The following RARB variants were observed in gnomAD, a reference collection of about 807,000 sequenced individuals.
RARB encodes retinoic acid receptor beta.
RARB carries 17 observed loss-of-function variants against 51.9 expected under a neutral mutation model. The observed-to-expected ratio is 0.33, with a 90% CI of 0.22 to 0.49. The LOEUF is 0.49. RARB is among the 20% of genes least tolerant of loss of function. RARB has a pLI of 0.99. For synonymous variants in RARB, 215 were observed against 195.4 expected (o/e 1.10, Z -0.84); for missense variants, 369 against 550.8 (o/e 0.67, Z 3.30).
intron 5 of RARB, among the ~76,000 whole-genome samples, chr3:25,396,954 A>G (rs1000037609): frequency 6.6e-6 from 1 of 152,152 alleles, no homozygotes; most frequent in African/African-American, 2.4e-5. Flanking sequence ...CCAGGCTACA[A>G]GCCTCCCTGC....
At chr3:24,866,293 C>T (rs765720130) in intron 2 of RARB, among the ~76,000 whole-genome samples, 14 of 152,084 alleles carry the variant, frequency 9.2e-5, no homozygotes, top group Non-Finnish European at 1.9e-4. Context: ...GAGTGACTAC[C>T]TTGTCCAGTC....
intron 5 of RARB, among the ~76,000 whole-genome samples, chr3:25,288,654 A>G (rs1407088794): frequency 6.6e-6 from 1 of 152,120 alleles, no homozygotes; most frequent in African/African-American, 2.4e-5. Flanking sequence ...TCCATTCTTG[A>G]TCATCCATTG....
intron 3 of RARB, among the ~76,000 whole-genome samples, chr3:25,543,806 A>G (rs982601671): frequency 1.3e-5 from 2 of 152,228 alleles, no homozygotes; most frequent in Non-Finnish European, 2.9e-5. Flanking sequence ...AACCTTCCAT[A>G]GATGCACCCC....
intron 4 of RARB, among the ~76,000 whole-genome samples, chr3:25,155,009 C>T (rs1301331997): frequency 6.6e-6 from 1 of 152,174 alleles, no homozygotes; most frequent in East Asian, 1.9e-4. Context: ...TTGCCCAATT[C>T]ATTCAATCAC....
At chr3:24,850,961 A>C (rs1702547066) in intron 1 of RARB, among the ~76,000 whole-genome samples, 1 of 152,202 alleles carries the variant, frequency 6.6e-6, no homozygotes, top group Non-Finnish European at 1.5e-5. Context: ...CAGGTCAAAT[A>C]ATGAATCCTA....
intron 5 of RARB, among the ~76,000 whole-genome samples, chr3:25,269,525 A>G (rs1703203777): frequency 2.0e-5 from 3 of 152,182 alleles, no homozygotes; most frequent in Non-Finnish European, 2.9e-5. Context: ...TGTGGATACT[A>G]ACAGGAAGAG....
At chr3:25,191,811 C>T (rs572794622) in intron 5 of RARB, among the ~76,000 whole-genome samples, 1 of 152,092 alleles carries the variant, frequency 6.6e-6, no homozygotes, top group Non-Finnish European at 1.5e-5. Context: ...TAGTTTGCTT[C>T]AATGACAAAT....
intron 2 of RARB, among the ~76,000 whole-genome samples, chr3:25,464,887 A>G (rs1192890819): frequency 1.3e-5 from 2 of 152,156 alleles, no homozygotes; most frequent in Non-Finnish European, 2.9e-5. Context: ...TTATGACCCA[A>G]ATTTAAGCAA....
intron 5 of RARB, among the ~76,000 whole-genome samples, chr3:25,328,558 G>T (rs994041280): frequency 1.3e-5 from 2 of 152,098 alleles, no homozygotes; most frequent in Non-Finnish European, 2.9e-5. Context: ...ATAAGGGGGA[G>T]GTTCCAAGAT....
intron 2 of RARB, among the ~76,000 whole-genome samples, chr3:25,053,537 C>A (rs887037995): frequency 6.6e-6 from 1 of 152,146 alleles, no homozygotes; most frequent in Admixed American, 6.5e-5. Context: ...GAACTTTGAA[C>A]TTTGGTTTAA....
chr3:25,303,017 A>T (rs976761612), intron 5 of RARB, among the ~76,000 whole-genome samples: 2 of 152,176 alleles, frequency 1.3e-5, no homozygotes, highest in Admixed American at 1.3e-4. Context: ...AATCTGAATG[A>T]CAAGCTCAAT....
chr3:25,368,877 A>T (rs1706215082), intron 5 of RARB, among the ~76,000 whole-genome samples: 1 of 152,206 alleles, frequency 6.6e-6, no homozygotes, highest in South Asian at 2.1e-4. Context: ...CTTACTGTCA[A>T]ATTGGCTGCC....
chr3:25,244,266 T>G (rs1287522782), intron 5 of RARB, among the ~76,000 whole-genome samples: 1 of 142,262 alleles, frequency 7.0e-6, no homozygotes, highest in East Asian at 2.0e-4. Flanking sequence ...GCTCCTGAAT[T>G]CATTGATTTT....
chr3:25,255,984 A>G (rs770730805), intron 5 of RARB, among the ~76,000 whole-genome samples: 5 of 152,108 alleles, frequency 3.3e-5, no homozygotes, highest in African/African-American at 4.8e-5. Flanking sequence ...CCTCTTAACT[A>G]TGATTATTTG....
intron 5 of RARB, among the ~76,000 whole-genome samples, chr3:25,200,384 C>T (rs1054685805): frequency 6.6e-6 from 1 of 151,844 alleles, no homozygotes; most frequent in Non-Finnish European, 1.5e-5. Flanking sequence ...TTCTCCCATT[C>T]TGTAGGTTGC....
chr3:25,053,069 T>C (rs1301493151), intron 2 of RARB, among the ~76,000 whole-genome samples: 2 of 151,992 alleles, frequency 1.3e-5, no homozygotes, highest in African/African-American at 4.8e-5. Context: ...ACATTGAAAA[T>C]TGGAAAGTAT....
At chr3:24,885,074 C>T (rs1373059129) in intron 2 of RARB, among the ~76,000 whole-genome samples, 1 of 152,046 alleles carries the variant, frequency 6.6e-6, no homozygotes, top group Non-Finnish European at 1.5e-5. Context: ...ACCAGCTGGC[C>T]AGAATCTGTT....
rs189699354 is a variant in RARB at position 25,552,586 on chromosome 3, C to T, written c.449-17172C>T. Among the ~76,000 whole-genome samples, 4 of 152,206 alleles carry T rather than the reference C, an allele frequency of 2.6e-5. No individual in the cohort carries two copies. The East Asian group carries it at 7.7e-4, about 29-fold the overall frequency. ...TGCATATATCTAGATCAAGTGGGCA[C>T]CCCAAATCTCTTAGTCTGGTTTCCT... On this transcript the variant is annotated intron_variant, in intron 3 of 7. Transcript: ENST00000330688.
intron 5 of RARB, among the ~76,000 whole-genome samples, chr3:25,251,385 C>T (rs1355721713): frequency 6.6e-6 from 1 of 151,366 alleles, no homozygotes; most frequent in Non-Finnish European, 1.5e-5. Flanking sequence ...GGGTATATAC[C>T]CAAGAGTGGA....
Sources: allele counts gnomAD v4.1 joint callset (sites outside exome capture counted in the v4.1 genomes callset), GRCh38; gene constraint gnomAD v4.1.1; transcripts MANE v1.5; gene names NCBI Gene and HGNC (gene_info 2026-07-23, HGNC 2026-07-21).